OTUB2: variants seen among roughly 807,000 people sequenced by gnomAD.
The protein encoded by OTUB2 is ubiquitin thioesterase OTUB2.
Under a neutral mutation model 25.1 loss-of-function variants are expected in OTUB2, and 21 were observed. The ratio of observed to expected loss-of-function variants is 0.84; its 90% CI spans 0.59 to 1.21. The LOEUF (loss-of-function observed/expected upper bound fraction) is 1.21. Among genes scored for constraint, OTUB2 ranks in the 50% most tolerant of loss-of-function variants. The pLI, the probability that OTUB2 is intolerant of heterozygous loss-of-function variation, is 0.00. For missense variants in OTUB2, 283 were observed against 298.0 expected, an observed-to-expected ratio of 0.95 and a Z score of 0.37; for synonymous variants, 122 against 122.8, an observed-to-expected ratio of 0.99 and a Z score of 0.04.
rs149091627 is a variant in OTUB2, at chr14:94,039,588, C to T, written c.218+507C>T. Among the ~76,000 whole-genome samples, 474 of 149,746 alleles carry T rather than the reference C, an allele frequency of 3.2e-3. 2 individuals are homozygous for T. The highest frequency in any genetic ancestry group is 0.011 in the African/African-American group (452 of 40,298). On this transcript the variant is annotated intron_variant, in intron 3 of 5. Transcript: ENST00000203664. Reference sequence around the variant, plus strand: ...TCTCATATCTGAAGTTTGTACAAGGCGCCTGGTTCTCTAGTCCATAGCAAG... The same window carrying T: ...TCTCATATCTGAAGTTTGTACAAGGTGCCTGGTTCTCTAGTCCATAGCAAG...
intron 1 of OTUB2, among the ~76,000 whole-genome samples, chr14:94,028,808 G>A (rs927480486): frequency 6.6e-6 from 1 of 152,202 alleles, no homozygotes; most frequent in Non-Finnish European, 1.5e-5. Context: ...ACAGTGAGAG[G>A]TCAATATGCT....
intron 1 of OTUB2, among the ~76,000 whole-genome samples, chr14:94,032,750 A>T (rs1342379119): frequency 6.6e-6 from 1 of 152,234 alleles, no homozygotes; most frequent in Non-Finnish European, 1.5e-5. Flanking sequence ...GACATGCCAT[A>T]GAGACTACCC....
rs1460575047 is a variant in OTUB2 at position 94,039,031 on chromosome 14, G to C, written c.168G>C (p.Leu56Phe). The change falls in exon 3 of 6, where the codon TTG becomes TTC. Residue 56 changes from leucine (L) to phenylalanine (F), a missense_variant. Leu to Phe is a conservative substitution (Grantham distance 22, BLOSUM62 0). Coordinates refer to ENST00000203664, the MANE Select transcript of OTUB2 (RefSeq NM_023112.4). ...ATGGGAACTGCTTCTACAGGGCCTT[G>C]GGCTATTCCTACCTGGAGTCCCTGC... ...KGDGNCFYRA[L>F]GYSYLESLLG... 1.2e-6 allele frequency: 2 copies of C among 1,614,200 alleles called. No homozygotes were observed. The highest frequency in any genetic ancestry group is 2.2e-5 in the East Asian group (1 of 44,874).
At chr14:94,039,234 C>T in intron 3 of OTUB2, 153 bp downstream of exon 3, 4 of 636,410 alleles carry the variant, frequency 6.3e-6, no homozygotes, top group Non-Finnish European at 1.1e-5. Context: ...TGGGGGTGCC[C>T]AGCTGCCTGC....
rs1885308492 is a variant in OTUB2 at position 94,047,736 on chromosome 14, C to T, written c.*1814C>T. On this transcript the variant is annotated 3_prime_UTR_variant, in exon 6 of 6. Coordinates refer to ENST00000203664, the MANE Select transcript of OTUB2 (RefSeq NM_023112.4). The stretch of plus-strand genomic sequence containing the variant: ...GGGCTCTGGGCCTTCCAGCTAGGCT[C>T]TCAAGCACAGCAGAAGCCTCACTGG... The T allele has an allele frequency of 6.6e-6, 1 of 152,246 alleles. No individual in the cohort carries two copies. Among genetic ancestry groups the T allele is most frequent in the South Asian group, 2.1e-4 (1 of 4,830 alleles). 9.4% of individuals were successfully genotyped at this position (152,246 alleles called of 1,614,324 possible). A position where few individuals can be genotyped will look rare whatever the true frequency, so the allele number is the denominator to read the frequency against.
At chr14:94,039,595 T>G (rs888374679) in intron 3 of OTUB2, among the ~76,000 whole-genome samples, 10 of 146,658 alleles carry the variant, frequency 6.8e-5, no homozygotes, top group African/African-American at 2.6e-4. Flanking sequence ...AGGCGCCTGG[T>G]TCTCTAGTCC....
chr14:94,044,049 C>T lies in OTUB2; in HGVS notation c.297C>T (p.Phe99=), dbSNP rs544932625. The T allele has an allele frequency of 6.2e-7, 1 of 1,614,060 alleles. No individual in the cohort carries two copies. Among genetic ancestry groups the T allele is most frequent in the African/African-American group, 1.3e-5 (1 of 75,070 alleles). Residue 99 remains phenylalanine (F), a synonymous_variant, in exon 4 of 6, where the codon TTC becomes TTT. Transcript: ENST00000203664. Reference sequence around the variant, plus strand: ...AGGAGCACAAGTTCAGAAACTTCTTCAATGCTGTGAGTTCACCTGGTCCCT... The same window carrying T: ...AGGAGCACAAGTTCAGAAACTTCTTTAATGCTGTGAGTTCACCTGGTCCCT... ...GFEEHKFRNF[F]NAFYSVVELV...
At chr14:94,038,203 C>G (rs1885092577) in intron 2 of OTUB2, among the ~76,000 whole-genome samples, 1 of 152,256 alleles carries the variant, frequency 6.6e-6, no homozygotes, top group African/African-American at 2.4e-5. Context: ...CATCAGCAGC[C>G]AGGGGTAGTG....
At chr14:94,036,668 C>T (rs1885060144) in intron 1 of OTUB2, among the ~76,000 whole-genome samples, 1 of 152,150 alleles carries the variant, frequency 6.6e-6, no homozygotes, top group East Asian at 1.9e-4. Flanking sequence ...GAGATCCTGC[C>T]TGTAGGAGGC....
At chr14:94,039,164 A>T in intron 3 of OTUB2, 83 bp downstream of exon 3, 1 of 1,105,500 alleles carries the variant, frequency 9.0e-7, no homozygotes, top group Non-Finnish European at 1.3e-6. Flanking sequence ...TTTTCGTTAC[A>T]CTCAGGCTGG....
chr14:94,029,449 T>C (rs1164083946), intron 1 of OTUB2, among the ~76,000 whole-genome samples: 2 of 152,186 alleles, frequency 1.3e-5, no homozygotes, highest in East Asian at 3.9e-4. Flanking sequence ...CCTCCAAGCT[T>C]CTGGTAGCTC....
intron 1 of OTUB2, among the ~76,000 whole-genome samples, chr14:94,027,736 C>T (rs749895665): frequency 2.6e-5 from 4 of 152,190 alleles, no homozygotes; most frequent in Non-Finnish European, 5.9e-5. Flanking sequence ...TGGCCTGGCA[C>T]GATCTGGGTG....
chr14:94,048,856 G>C lies in OTUB2; in HGVS notation c.*2934G>C, dbSNP rs1248784976. 6.6e-6 allele frequency: 1 copy of C among 152,262 alleles called. No individual in the cohort carries two copies. The highest frequency in any genetic ancestry group is 2.4e-5 in the African/African-American group (1 of 41,456). 9.4% of individuals were successfully genotyped at this position (152,262 alleles called of 1,614,324 possible). ...CTTCCAGGGGCCCCAGGCCCTGCTG[G>C]ATGTGGGCCAAGCCCTACAGCTTCC... On this transcript the variant is annotated 3_prime_UTR_variant, in exon 6 of 6. Transcript: ENST00000203664.
chr14:94,040,612 A>T (rs1206368954), intron 3 of OTUB2, among the ~76,000 whole-genome samples: 2 of 152,166 alleles, frequency 1.3e-5, no homozygotes, highest in East Asian at 1.9e-4. Context: ...GCACCAGCCC[A>T]CGTGCTCTGT....
chr14:94,046,862 C>A lies in OTUB2; in HGVS notation c.*940C>A, dbSNP rs557641283. The A allele has an allele frequency of 1.3e-5, 2 of 152,664 alleles. No individual in the cohort carries two copies. The highest frequency in any genetic ancestry group is 1.3e-4 in the Admixed American group (2 of 15,316). 9.5% of individuals were successfully genotyped at this position (152,664 alleles called of 1,614,324 possible). A position where few individuals can be genotyped will look rare whatever the true frequency, so the allele number is the denominator to read the frequency against. ...TGCCCCTGGCTTCTTCCTCCCTTTC[C>A]CGCTTCTGCTCTCTTTATGGACTGG... On this transcript the variant is annotated 3_prime_UTR_variant, in exon 6 of 6. Coordinates refer to ENST00000203664, the MANE Select transcript of OTUB2 (RefSeq NM_023112.4).
At chr14:94,032,211 C>T (rs1300925913) in intron 1 of OTUB2, among the ~76,000 whole-genome samples, 2 of 152,240 alleles carry the variant, frequency 1.3e-5, no homozygotes, top group Admixed American at 6.5e-5. Flanking sequence ...CATCTGGGAC[C>T]ACTGGTGCGC....
rs117001823 is a variant in OTUB2, at chr14:94,042,594, G to A, written c.219-1377G>A. ...GGTGCCGGCCCTTGGAGCAGCCCTG[G>A]AGGACTGCAGCTGCTTCCTGGAGCT... On this transcript the variant is annotated intron_variant, in intron 3 of 5. Transcript: ENST00000203664. Among the ~76,000 whole-genome samples the A allele has an allele frequency of 5.4e-3, 825 of 152,278 alleles. 3 individuals are homozygous for A. The highest frequency in any genetic ancestry group is 9.1e-3 in the Non-Finnish European group (621 of 67,992).
At chr14:94,034,129 A>T (rs1419472735) in intron 1 of OTUB2, among the ~76,000 whole-genome samples, 1 of 152,250 alleles carries the variant, frequency 6.6e-6, no homozygotes, top group Non-Finnish European at 1.5e-5. Flanking sequence ...CCTTGATGCG[A>T]TCAGAAGGCT....
chr14:94,043,816 A>G (rs1309591384), intron 3 of OTUB2, among the ~76,000 whole-genome samples, 155 bp from the exon 4 acceptor site: 1 of 152,182 alleles, frequency 6.6e-6, no homozygotes, highest in Non-Finnish European at 1.5e-5. Flanking sequence ...TGCACGGTGC[A>G]TGTGGCTGTG....
Sources: gnomAD v4.1 joint callset for allele counts (sites outside exome capture counted in the v4.1 genomes callset) on GRCh38, gnomAD v4.1.1 for gene constraint, MANE v1.5 for transcripts, NCBI Gene and HGNC (gene_info 2026-07-23, HGNC 2026-07-21) for gene names.